Variants in MGAT4C observed in about 807,000 individuals in gnomAD.
MGAT4C encodes MGAT4 family member C.
Under a neutral mutation model 40.1 loss-of-function variants are expected in MGAT4C, and 19 were observed. The ratio of observed to expected loss-of-function variants is 0.47; its 90% CI spans 0.33 to 0.70. MGAT4C has a LOEUF of 0.70. MGAT4C is among the 30% of genes least tolerant of loss of function. The probability of loss-of-function intolerance (pLI) is 0.02; values close to 1 mark genes in which losing one functional copy is unlikely to be tolerated. For synonymous variants in MGAT4C, 181 were observed against 187.1 expected (o/e 0.97, Z 0.27); for missense variants, 491 against 563.2 (o/e 0.87, Z 1.30).
At chr12:86,483,169 T>C (rs951214822) in intron 2 of MGAT4C, among the ~76,000 whole-genome samples, 8 of 152,292 alleles carry the variant, frequency 5.3e-5, no homozygotes, top group Non-Finnish European at 8.8e-5. Context: ...CTGGGTTTCT[T>C]TTATGAAAAC....
chr12:86,435,074 C>T (rs1957113923), intron 3 of MGAT4C: 1 of 151,892 alleles, frequency 6.6e-6, no homozygotes, highest in Non-Finnish European at 1.5e-5. Flanking sequence ...ATAACAGAGT[C>T]TCCTCTCCCT....
chr12:86,787,825 G>C (rs1951958701), intron 1 of MGAT4C, among the ~76,000 whole-genome samples: 1 of 152,106 alleles, frequency 6.6e-6, no homozygotes, highest in South Asian at 2.1e-4. Flanking sequence ...ACAGCTCACT[G>C]CAGCCTCCAC....
At chr12:86,582,691 T>C (rs1555207058) in intron 2 of MGAT4C, among the ~76,000 whole-genome samples, 2 of 151,332 alleles carry the variant, frequency 1.3e-5, no homozygotes, top group Non-Finnish European at 3.0e-5. Flanking sequence ...CTGAATCTGA[T>C]ACACAGTCTG....
chr12:86,215,912 C>T (rs1950653680), intron 1 of MGAT4C, among the ~76,000 whole-genome samples: 1 of 151,870 alleles, frequency 6.6e-6, no homozygotes, highest in Admixed American at 6.6e-5. Context: ...ATTTGAGCTC[C>T]ACAGATTTGC....
At chr12:86,278,130 ATTTAAT>A in intron 4 of MGAT4C, among the ~76,000 whole-genome samples, 1 of 139,806 alleles carries the variant, frequency 7.2e-6, no homozygotes, top group Admixed American at 7.1e-5. Flanking sequence ...ATTCCTAGAT[ATTTAAT>A]TTTATCTGTA....
At chr12:86,677,289 C>T (rs1949884560) in intron 2 of MGAT4C, among the ~76,000 whole-genome samples, 1 of 152,102 alleles carries the variant, frequency 6.6e-6, no homozygotes, top group Non-Finnish European at 1.5e-5. Flanking sequence ...ATTTGATGTT[C>T]TTTCACCAAT....
chr12:86,278,220 C>A (rs7308710), intron 4 of MGAT4C, among the ~76,000 whole-genome samples: 89,254 of 134,900 alleles, frequency 0.66, 30,007 homozygotes, highest in South Asian at 0.76. Context: ...GATCTTGTTG[C>A]CCAGGCTGCA....
chr12:86,295,199 C>A (rs1337995763), intron 4 of MGAT4C, among the ~76,000 whole-genome samples: 1 of 152,140 alleles, frequency 6.6e-6, no homozygotes, highest in Non-Finnish European at 1.5e-5. Flanking sequence ...ATACATATTT[C>A]ATTATTAAAC....
intron 4 of MGAT4C, among the ~76,000 whole-genome samples, chr12:86,290,950 C>T (rs1202497040): frequency 2.0e-5 from 3 of 152,020 alleles, no homozygotes; most frequent in African/African-American, 4.8e-5. Context: ...TAAGGAAGCT[C>T]GGAAAAAGGT....
At chr12:86,718,176 C>T (rs1009469512) in intron 2 of MGAT4C, among the ~76,000 whole-genome samples, 6 of 152,168 alleles carry the variant, frequency 3.9e-5, no homozygotes, top group African/African-American at 1.4e-4. Flanking sequence ...TGTTGAGAAA[C>T]CCTGATCTAA....
At chr12:86,311,393 G>A (rs892833701) in intron 4 of MGAT4C, among the ~76,000 whole-genome samples, 5 of 152,104 alleles carry the variant, frequency 3.3e-5, no homozygotes, top group East Asian at 1.9e-4. Flanking sequence ...GTGCATATGC[G>A]GTCTGTCGCT....
At chr12:86,440,578 T>C (rs753519807) in intron 2 of MGAT4C, among the ~76,000 whole-genome samples, 11 of 152,176 alleles carry the variant, frequency 7.2e-5, no homozygotes, top group Non-Finnish European at 1.5e-4. Context: ...AATACAGGGA[T>C]GCCCATTTTC....
chr12:86,629,300 A>G (rs1962940857), intron 2 of MGAT4C, among the ~76,000 whole-genome samples: 1 of 152,146 alleles, frequency 6.6e-6, no homozygotes, highest in Non-Finnish European at 1.5e-5. Context: ...ACAAAATAGT[A>G]TAGGGAGAAT....
In MGAT4C at chr12:86,766,183, C is replaced by A. The variant is rs535188135; in HGVS notation, c.-261-38942G>T. On this transcript the variant is annotated intron_variant, in intron 1 of 7. Coordinates refer to the MGAT4C transcript ENST00000548651. ...AAAGGATGGAGGAAGATCAACCAAGCAAATGGAAAACAAAAAAAGGCAGGG... is the reference window on the plus strand; with the variant it reads ...AAAGGATGGAGGAAGATCAACCAAGAAAATGGAAAACAAAAAAAGGCAGGG... Among the ~76,000 whole-genome samples, 7 of 151,894 alleles carry A rather than the reference C, an allele frequency of 4.6e-5. No individual in the cohort carries two copies. The South Asian group carries it at 1.5e-3, about 32-fold the overall frequency.
chr12:86,322,178 A>G (rs1954407332), intron 4 of MGAT4C, among the ~76,000 whole-genome samples: 1 of 138,386 alleles, frequency 7.2e-6, no homozygotes, highest in Non-Finnish European at 1.5e-5. Flanking sequence ...AACAATAAGA[A>G]CAGATGGACA....
rs537526556 is a variant in MGAT4C at position 86,685,345 on chromosome 12, T to C, written c.-229+41864A>G. On this transcript the variant is annotated intron_variant, in intron 2 of 7. Transcript: ENST00000548651. ...AGGTTTGTCAAAGTTCAGATGGTTGTAGAGGTGTGATGTTATTTCTGAGGC... is the reference window on the plus strand; with the variant it reads ...AGGTTTGTCAAAGTTCAGATGGTTGCAGAGGTGTGATGTTATTTCTGAGGC... 4.6e-5 allele frequency among the ~76,000 whole-genome samples: 7 copies of C among 152,310 alleles called. 1 individual carries two copies. The South Asian group carries it at 1.5e-3, about 32-fold the overall frequency.
intron 2 of MGAT4C, among the ~76,000 whole-genome samples, chr12:86,689,585 G>A (rs1950137670): frequency 6.6e-6 from 1 of 152,200 alleles, no homozygotes; most frequent in Non-Finnish European, 1.5e-5. Flanking sequence ...GTGCAGGTCT[G>A]TTGGAGTTTG....
At chr12:86,587,494 T>C (rs10745426) in intron 2 of MGAT4C, among the ~76,000 whole-genome samples, 129,095 of 151,738 alleles carry the variant, frequency 0.85, 55,457 homozygotes, top group East Asian at 0.96. Flanking sequence ...AAGAAAGTCA[T>C]TGGTAGCTTG....
At chr12:86,809,417 T>C (rs1298426011) in intron 1 of MGAT4C, among the ~76,000 whole-genome samples, 1 of 152,026 alleles carries the variant, frequency 6.6e-6, no homozygotes, top group Non-Finnish European at 1.5e-5. Context: ...ATAGTTTAGT[T>C]TGTATAGTAA....
Sources: gnomAD v4.1 joint callset for allele counts (sites outside exome capture counted in the v4.1 genomes callset) on GRCh38, gnomAD v4.1.1 for gene constraint, MANE v1.5 for transcripts, NCBI Gene and HGNC (gene_info 2026-07-23, HGNC 2026-07-21) for gene names.